Variants in CCDC146 observed in about 807,000 individuals in gnomAD.
CCDC146 encodes the protein coiled-coil domain-containing protein 146.
Under a neutral mutation model 119.3 loss-of-function variants are expected in CCDC146, and 92 were observed. That is an observed-to-expected ratio of 0.77 (90% confidence interval 0.65 to 0.92). CCDC146 has a LOEUF of 0.92. Ranked by LOEUF, CCDC146 falls within the 40% of genes least tolerant of loss-of-function variation. The pLI is 0.00. For synonymous variants in CCDC146, 372 were observed against 371.8 expected (o/e 1.00, Z -0.01); for missense variants, 1,000 against 1,103.0 (o/e 0.91, Z 1.32).
chr7:77,199,522 C>T, intron 2 of CCDC146: 1 of 1,614,140 alleles, frequency 6.2e-7, no homozygotes, highest in Non-Finnish European at 8.5e-7. Flanking sequence ...TTTCTTTAGA[C>T]TATTTACGAT....
chr7:77,173,195 T>C (rs1267752702), intron 2 of CCDC146, among the ~76,000 whole-genome samples: 1 of 151,890 alleles, frequency 6.6e-6, no homozygotes, highest in African/African-American at 2.4e-5. Context: ...TGCACACTTA[T>C]CCCTTTATTT....
rs1470774672 is a variant in CCDC146 at position 77,203,628 on chromosome 7, A to C, written c.157-33319A>C. Reference sequence around the variant, plus strand: ...CACTACTAGGAGTTCCCACCTCATGACTTGACCTTCTGCCTCTTCTCTCTT... The same window carrying C: ...CACTACTAGGAGTTCCCACCTCATGCCTTGACCTTCTGCCTCTTCTCTCTT... On this transcript the variant is annotated intron_variant, in intron 2 of 18. Transcript: ENST00000285871. 2.0e-5 allele frequency among the ~76,000 whole-genome samples: 3 copies of C among 152,112 alleles called. No individual in the cohort carries two copies. In the East Asian group the frequency reaches 5.8e-4, roughly 29 times the overall value.
Position 77,258,948 on chromosome 7 carries a change from T to A in CCDC146, c.685-47T>A, listed in dbSNP as rs1225302740. On this transcript the variant is annotated intron_variant, in intron 6 of 18. Transcript: ENST00000285871. Reference sequence around the variant, plus strand: ...ATTTAATTTTCTTGTCTTAATTGCTTCTAGCCGAAGACCGCATAATTTAAC... The same window carrying A: ...ATTTAATTTTCTTGTCTTAATTGCTACTAGCCGAAGACCGCATAATTTAAC... The A allele has an allele frequency of 3.9e-6, 5 of 1,281,854 alleles. No individual in the cohort carries two copies. In the South Asian group the frequency reaches 6.1e-5, roughly 16 times the overall value. 79.4% of individuals were successfully genotyped at this position (1,281,854 alleles called of 1,614,324 possible). A position where few individuals can be genotyped will look rare whatever the true frequency, so the allele number is the denominator to read the frequency against.
intron 3 of CCDC146, among the ~76,000 whole-genome samples, chr7:77,238,944 T>A (rs1158230277): frequency 6.6e-6 from 1 of 152,192 alleles, no homozygotes; most frequent in Non-Finnish European, 1.5e-5. Context: ...CTAATGCCAT[T>A]GCAAATACTC....
chr7:77,286,533 T>C (rs546746747), intron 15 of CCDC146, among the ~76,000 whole-genome samples: 44 of 152,310 alleles, frequency 2.9e-4, no homozygotes, highest in African/African-American at 1.0e-3. Flanking sequence ...CAAGGGCCGC[T>C]TGTGAAACCA....
At chr7:77,278,706 G>A (rs564771076) in intron 11 of CCDC146, 46 bp from the exon 12 acceptor site, 1 of 1,277,724 alleles carries the variant, frequency 7.8e-7, no homozygotes, top group East Asian at 2.3e-5. Flanking sequence ...AAATCTGGGA[G>A]TGTTCATATG....
At chr7:77,130,464 C>T (rs1790765548) in intron 1 of CCDC146, among the ~76,000 whole-genome samples, 1 of 152,054 alleles carries the variant, frequency 6.6e-6, no homozygotes. Context: ...GAATTACTGT[C>T]CCTGAAGGCA....
At position 77,274,616 on chromosome 7, in the gene CCDC146, A is replaced by C; in HGVS notation, c.1404A>C (p.Glu468Asp). ...GCATGACTCAAATCAAAATTGATGAAAAGGAACAAAAGTCCAAGGATTTCC... is the reference window on the plus strand; with the variant it reads ...GCATGACTCAAATCAAAATTGATGACAAGGAACAAAAGTCCAAGGATTTCC... Reference protein sequence around the residue: ...LLRMTQIKIDEKEQKSKDFLK... With the variant: ...LLRMTQIKIDDKEQKSKDFLK... Residue 468 changes from glutamate (E) to aspartate (D), a missense_variant, in exon 11 of 19, where the codon GAA becomes GAC. Around this residue, in one of 2 missense-constraint regions of CCDC146, gnomAD observed 985 missense variants for 1,045.3 expected, o/e 0.94. Coordinates refer to ENST00000285871, the MANE Select transcript of CCDC146 (RefSeq NM_020879.3). 1 of 1,609,026 alleles carries C rather than the reference A, an allele frequency of 6.2e-7. No individual in the cohort carries two copies. The highest frequency in any genetic ancestry group is 1.1e-5 in the South Asian group (1 of 90,092).
At chr7:77,261,698 C>T (rs1272739553) in intron 8 of CCDC146, among the ~76,000 whole-genome samples, 2 of 151,908 alleles carry the variant, frequency 1.3e-5, no homozygotes, top group South Asian at 2.1e-4. Context: ...AGGATGGTCT[C>T]GATCTCCTGA....
intron 1 of CCDC146, among the ~76,000 whole-genome samples, chr7:77,129,632 A>C (rs1481745980): frequency 6.6e-6 from 1 of 152,026 alleles, no homozygotes; most frequent in Non-Finnish European, 1.5e-5. Context: ...AGGAGATACT[A>C]CTGTAATCTC....
intron 9 of CCDC146, among the ~76,000 whole-genome samples, chr7:77,271,502 C>G (rs1793514387): frequency 8.4e-6 from 1 of 118,568 alleles, no homozygotes; most frequent in Non-Finnish European, 1.7e-5. Flanking sequence ...TATACACACA[C>G]ACTAATAGGA....
chr7:77,265,750 A>AT (rs1793389839), intron 9 of CCDC146, among the ~76,000 whole-genome samples: 1 of 152,218 alleles, frequency 6.6e-6, no homozygotes, highest in African/African-American at 2.4e-5. Flanking sequence ...AAAATCACAT[A>AT]TTTTTAAGAG....
At chr7:77,164,869 T>A (rs1371652386) in intron 1 of CCDC146, among the ~76,000 whole-genome samples, 2 of 152,176 alleles carry the variant, frequency 1.3e-5, no homozygotes, top group African/African-American at 4.8e-5. Context: ...CTCAGTGTCA[T>A]CAAGGAACAG....
rs1273430778 is a variant in CCDC146, at chr7:77,180,438, A to G, written c.156+12614A>G. Among the ~76,000 whole-genome samples the G allele has an allele frequency of 6.6e-5, 10 of 152,130 alleles. No homozygotes were observed. In the East Asian group the frequency reaches 1.3e-3, roughly 21 times the overall value. On this transcript the variant is annotated intron_variant, in intron 2 of 18. Coordinates refer to ENST00000285871, the MANE Select transcript of CCDC146 (RefSeq NM_020879.3). ...TTTAAGACCAGGTATGGTGGCTCAC[A>G]CCTGTAATCCAACACTTTGGGAGGG...
At chr7:77,287,716 A>G (rs958161390) in intron 17 of CCDC146, 139 bp downstream of exon 17, 2 of 876,068 alleles carry the variant, frequency 2.3e-6, no homozygotes. Context: ...AAACGAAAGG[A>G]TGACTCAGAG....
At chr7:77,180,232 T>C (rs1191957699) in intron 2 of CCDC146, among the ~76,000 whole-genome samples, 1 of 149,366 alleles carries the variant, frequency 6.7e-6, no homozygotes, top group Non-Finnish European at 1.5e-5. Context: ...ACCATATATA[T>C]GCACCCATAT....
intron 10 of CCDC146, among the ~76,000 whole-genome samples, chr7:77,274,093 G>C (rs757141077): frequency 1.3e-5 from 2 of 152,054 alleles, no homozygotes; most frequent in Non-Finnish European, 2.9e-5. Context: ...TCAAATTTTC[G>C]TTTGTTTTTA....
chr7:77,246,378 A>G (rs1261403089), intron 4 of CCDC146: 1 of 152,238 alleles, frequency 6.6e-6, no homozygotes, highest in Non-Finnish European at 1.5e-5. Context: ...GGCTTCCTGC[A>G]TTATCTCTTC....
At chr7:77,247,563 A>G (rs1255274325) in intron 4 of CCDC146, among the ~76,000 whole-genome samples, 3 of 152,264 alleles carry the variant, frequency 2.0e-5, no homozygotes, top group Admixed American at 1.3e-4. Context: ...AATGTGACAC[A>G]TGTATTACAA....
Sources: gnomAD v4.1 joint callset for allele counts (sites outside exome capture counted in the v4.1 genomes callset) on GRCh38, gnomAD v4.1.1 for gene constraint, gnomAD v4.1.1 regional missense constraint, MANE v1.5 for transcripts, NCBI Gene and HGNC (gene_info 2026-07-23, HGNC 2026-07-21) for gene names.